Variants in LRRC28 observed in about 807,000 individuals in gnomAD.
LRRC28 encodes the protein leucine-rich repeat-containing protein 28.
A neutral mutation model predicts 45.7 loss-of-function variants in LRRC28; 39 were observed. The ratio of observed to expected loss-of-function variants is 0.85; its 90% CI spans 0.66 to 1.12. The LOEUF (loss-of-function observed/expected upper bound fraction) is 1.12. LRRC28 is among the 50% of genes most tolerant of loss of function. The probability of loss-of-function intolerance (pLI) is 0.00; values close to 1 mark genes in which losing one functional copy is unlikely to be tolerated. For missense variants in LRRC28, 435 were observed against 438.5 expected (o/e 0.99, Z 0.07); for synonymous variants, 206 against 178.8 (o/e 1.15, Z -1.22).
intron 9 of LRRC28, among the ~76,000 whole-genome samples, chr15:99,381,844 C>G (rs570527538): frequency 1.6e-4 from 24 of 152,352 alleles, no homozygotes; most frequent in African/African-American, 5.1e-4. Flanking sequence ...TGCAGAACAG[C>G]AAATATTGCT....
chr15:99,292,818 T>A (rs2082160514), intron 5 of LRRC28, among the ~76,000 whole-genome samples: 1 of 152,208 alleles, frequency 6.6e-6, no homozygotes, highest in Non-Finnish European at 1.5e-5. Flanking sequence ...CAGCCGAGGA[T>A]CTCTTGTCTT....
chr15:99,336,920 A>G (rs62023845), intron 6 of LRRC28, among the ~76,000 whole-genome samples: 8,240 of 152,236 alleles, frequency 0.054, 296 homozygotes, highest in Non-Finnish European at 0.078. Context: ...TCATACAACT[A>G]CTGGCTACAT....
At chr15:99,336,387 T>C (rs559876272) in intron 6 of LRRC28, among the ~76,000 whole-genome samples, 69 of 152,330 alleles carry the variant, frequency 4.5e-4, no homozygotes, top group Admixed American at 8.5e-4. Flanking sequence ...CCTACATTCT[T>C]GCCACATTGA....
intron 1 of LRRC28, among the ~76,000 whole-genome samples, chr15:99,253,931 C>CG (rs2080940842): frequency 6.6e-6 from 1 of 152,208 alleles, no homozygotes; most frequent in African/African-American, 2.4e-5. Flanking sequence ...CTTCCTGCTT[C>CG]TCCGGCTTGA....
chr15:99,262,732 C>T (rs970539554), intron 2 of LRRC28, among the ~76,000 whole-genome samples: 3 of 151,936 alleles, frequency 2.0e-5, no homozygotes, highest in Non-Finnish European at 4.4e-5. Flanking sequence ...CAGCCGTGAC[C>T]TCCTGAGTTC....
rs998015575 is a variant in LRRC28, at chr15:99,386,998, G to C, written c.*896G>C. On this transcript the variant is annotated 3_prime_UTR_variant, in exon 10 of 10. Transcript: ENST00000301981. ...TCTTTTTTGATGGGTTTATGATTCA[G>C]TTTATACTGACTTTGAAATATTTTT... The C allele has an allele frequency of 3.9e-5, 6 of 152,108 alleles. No individual in the cohort carries two copies. Among genetic ancestry groups the C allele is most frequent in the Non-Finnish European group, 8.8e-5 (6 of 68,022 alleles). 9.4% of individuals were successfully genotyped at this position (152,108 alleles called of 1,614,324 possible).
At chr15:99,297,899 A>G (rs1413457368) in intron 5 of LRRC28, among the ~76,000 whole-genome samples, 1 of 152,094 alleles carries the variant, frequency 6.6e-6, no homozygotes, top group Non-Finnish European at 1.5e-5. Context: ...AAATTATTCT[A>G]AAAGAAAAAA....
chr15:99,303,552 G>C (rs1158807679), intron 5 of LRRC28, among the ~76,000 whole-genome samples: 1 of 152,108 alleles, frequency 6.6e-6, no homozygotes, highest in Non-Finnish European at 1.5e-5. Flanking sequence ...TATAAAAACG[G>C]CCTGGGCACG....
intron 5 of LRRC28, among the ~76,000 whole-genome samples, chr15:99,313,500 C>A (rs1482479983): frequency 6.6e-6 from 1 of 152,086 alleles, no homozygotes; most frequent in Non-Finnish European, 1.5e-5. Flanking sequence ...TATTCTTCTG[C>A]AGCACACATA....
intron 9 of LRRC28, 60 bp downstream of exon 9, chr15:99,363,325 G>C (rs1033800427): frequency 1.4e-5 from 22 of 1,582,612 alleles, no homozygotes; most frequent in African/African-American, 2.7e-5. Context: ...CAGGTGGGGA[G>C]GGGAGAGGCT....
At position 99,389,837 on chromosome 15, in the gene LRRC28, G is replaced by A. The variant is rs1958131616; in HGVS notation, c.*3735G>A. The A allele has an allele frequency of 6.6e-6, 1 of 152,076 alleles. No homozygotes were observed. The highest frequency in any genetic ancestry group is 1.5e-5 in the Non-Finnish European group (1 of 67,982). 9.4% of individuals were successfully genotyped at this position (152,076 alleles called of 1,614,324 possible). On this transcript the variant is annotated 3_prime_UTR_variant, in exon 10 of 10. Coordinates refer to ENST00000301981, the MANE Select transcript of LRRC28 (RefSeq NM_144598.5). ...AGCTCTATGTCTATCTAAAAATCAAGTCTCGGCAGTGGCTCATGCCTATAA... is the reference window on the plus strand; with the variant it reads ...AGCTCTATGTCTATCTAAAAATCAAATCTCGGCAGTGGCTCATGCCTATAA...
At chr15:99,287,094 A>G (rs1014180414) in intron 3 of LRRC28, among the ~76,000 whole-genome samples, 163 bp from the exon 4 acceptor site, 1 of 152,218 alleles carries the variant, frequency 6.6e-6, no homozygotes, top group Non-Finnish European at 1.5e-5. Flanking sequence ...AAGTATTATT[A>G]GTTAGCTGTG....
chr15:99,363,000 G>A (rs1372788560), intron 8 of LRRC28, 106 bp from the exon 9 acceptor site: 5 of 1,206,322 alleles, frequency 4.1e-6, no homozygotes, highest in Non-Finnish European at 4.6e-6. Flanking sequence ...TCAACATGAA[G>A]TACTTTTAAG....
At chr15:99,309,745 A>G (rs1006181033) in intron 5 of LRRC28, among the ~76,000 whole-genome samples, 1 of 152,176 alleles carries the variant, frequency 6.6e-6, no homozygotes, top group African/African-American at 2.4e-5. Context: ...GCTCTCTTCC[A>G]CAATTTCTTA....
chr15:99,271,657 C>T (rs1387590207), intron 2 of LRRC28, among the ~76,000 whole-genome samples: 4 of 152,054 alleles, frequency 2.6e-5, no homozygotes, highest in South Asian at 2.1e-4. Context: ...AGTACAGTGG[C>T]GTGATCTCAG....
chr15:99,265,644 G>A (rs528199365), intron 2 of LRRC28, among the ~76,000 whole-genome samples: 1 of 152,152 alleles, frequency 6.6e-6, no homozygotes, highest in Non-Finnish European at 1.5e-5. Context: ...AAACTCTAAA[G>A]TTCCTCAAGG....
Position 99,361,506 on chromosome 15 carries a change from T to G in LRRC28, c.866T>G (p.Leu289Arg). 6.3e-7 allele frequency: 1 copy of G among 1,597,646 alleles called. No homozygotes were observed. The highest frequency in any genetic ancestry group is 2.2e-5 in the East Asian group (1 of 44,494). Reference sequence around the variant, plus strand: ...CTGTATCATACCTACCACAGCTTGCTGAAAGGTACGTGGGACTTCTGGTTT... The same window carrying G: ...CTGTATCATACCTACCACAGCTTGCGGAAAGGTACGTGGGACTTCTGGTTT... The part of the protein sequence containing the change: ...RGLYHTYHSL[L>R]KDLNFLSPIS... The change falls in exon 8 of 10, where the codon CTG becomes CGG. Residue 289 changes from leucine (L) to arginine (R), a missense_variant. Transcript: ENST00000301981.
At chr15:99,288,005 C>T in intron 5 of LRRC28, 54 bp downstream of exon 5, 1 of 1,471,854 alleles carries the variant, frequency 6.8e-7, no homozygotes, top group Non-Finnish European at 9.1e-7. Flanking sequence ...AATCTGTATT[C>T]ATATTTCTCA....
At chr15:99,269,486 C>T (rs1293704659) in intron 2 of LRRC28, among the ~76,000 whole-genome samples, 4 of 152,136 alleles carry the variant, frequency 2.6e-5, no homozygotes, top group Non-Finnish European at 5.9e-5. Flanking sequence ...TTACTGCAAC[C>T]TCTGCCTCTC....
Sources: allele counts gnomAD v4.1 joint callset (sites outside exome capture counted in the v4.1 genomes callset), GRCh38; gene constraint gnomAD v4.1.1; transcripts MANE v1.5; gene names NCBI Gene and HGNC (gene_info 2026-07-23, HGNC 2026-07-21).